Variants in ILRUN observed in about 807,000 individuals in gnomAD.
ILRUN encodes the protein inflammation and lipid regulator with UBA-like and NBR1-like domains, also known as protein ILRUN.
In ILRUN, 3 loss-of-function variants were observed where a neutral mutation model predicts 33.8. The observed-to-expected ratio is 0.09, with a 90% CI of 0.04 to 0.23. The LOEUF is 0.23. Ranked by LOEUF, ILRUN falls within the 10% of genes least tolerant of loss-of-function variation. ILRUN has a pLI of 1.00. For missense variants in ILRUN, 210 were observed against 375.1 expected, an observed-to-expected ratio of 0.56 and a Z score of 3.64; for synonymous variants, 124 against 138.9, an observed-to-expected ratio of 0.89 and a Z score of 0.75.
At chr6:34,683,103 T>C (rs1162594454) in intron 1 of ILRUN, among the ~76,000 whole-genome samples, 2 of 151,604 alleles carry the variant, frequency 1.3e-5, no homozygotes, top group Non-Finnish European at 2.9e-5. Flanking sequence ...ACCTACCTTT[T>C]TGACCCTGTC....
intron 3 of ILRUN, among the ~76,000 whole-genome samples, chr6:34,622,897 C>T (rs1762038255): frequency 1.3e-5 from 2 of 152,292 alleles, no homozygotes; most frequent in Middle Eastern, 3.4e-3. Context: ...TATATATATA[C>T]ACCAAAATAT....
At chr6:34,676,780 G>A (rs1034047274) in intron 1 of ILRUN, among the ~76,000 whole-genome samples, 2 of 151,570 alleles carry the variant, frequency 1.3e-5, no homozygotes, top group African/African-American at 4.9e-5. Context: ...AATAAAACAA[G>A]TAACACCTTT....
At chr6:34,597,470 G>A (rs758819444) in intron 4 of ILRUN, among the ~76,000 whole-genome samples, 1 of 152,192 alleles carries the variant, frequency 6.6e-6, no homozygotes, top group Non-Finnish European at 1.5e-5. Context: ...CTAGGACACA[G>A]GATAAGGCTG....
intron 1 of ILRUN, among the ~76,000 whole-genome samples, chr6:34,682,024 A>ATTTTT (rs1763370443): frequency 7.7e-6 from 1 of 130,618 alleles, no homozygotes; most frequent in African/African-American, 3.0e-5. Flanking sequence ...ACTAATTCTT[A>ATTTTT]TATTTTTATT....
At chr6:34,680,496 G>A (rs931423450) in intron 1 of ILRUN, among the ~76,000 whole-genome samples, 14 of 151,688 alleles carry the variant, frequency 9.2e-5, no homozygotes, top group East Asian at 5.8e-4. Flanking sequence ...ACAGAGTCTC[G>A]CTCTGCTGCC....
intron 3 of ILRUN, among the ~76,000 whole-genome samples, chr6:34,615,743 A>C (rs1301810289): frequency 6.6e-6 from 1 of 152,210 alleles, no homozygotes; most frequent in Non-Finnish European, 1.5e-5. Flanking sequence ...CATGCGCCCA[A>C]GTCCTTTAGA....
At chr6:34,640,808 C>T (rs116816261) in intron 3 of ILRUN, among the ~76,000 whole-genome samples, 2,237 of 151,962 alleles carry the variant, frequency 0.015, 15 homozygotes, top group African/African-American at 0.025. Flanking sequence ...CAGCCAGGCA[C>T]GGTAGCTCAT....
At chr6:34,595,013 T>C (rs944475910) in intron 4 of ILRUN, among the ~76,000 whole-genome samples, 5 of 152,254 alleles carry the variant, frequency 3.3e-5, no homozygotes, top group Admixed American at 1.3e-4. Context: ...TGAGCCACTG[T>C]GCTCAGCCCT....
chr6:34,626,167 A>T (rs527629327), intron 3 of ILRUN, among the ~76,000 whole-genome samples: 1 of 151,648 alleles, frequency 6.6e-6, no homozygotes, highest in East Asian at 1.9e-4. Flanking sequence ...ATTTTTTAAC[A>T]GATTCCTTTT....
chr6:34,692,983 T>C (rs1468450863), intron 1 of ILRUN, among the ~76,000 whole-genome samples: 1 of 151,834 alleles, frequency 6.6e-6, no homozygotes, highest in Non-Finnish European at 1.5e-5. Flanking sequence ...GAGGCTGAGG[T>C]GGGAGGATTG....
rs1763743120 is a variant in ILRUN at position 34,695,410 on chromosome 6, CCAA to C, written c.158+1033_158+1035del. On this transcript the variant is annotated intron_variant, in intron 1 of 4. Transcript: ENST00000374023. ...ACTGCAACTCTGCCTCTGAGTGAATCCAACAACCTCTATTCAGAGTACAAGGGG... is the reference window on the plus strand; with the variant it reads ...ACTGCAACTCTGCCTCTGAGTGAATCCAACCTCTATTCAGAGTACAAGGGG... Among the ~76,000 whole-genome samples, 4 of 152,214 alleles carry C rather than the reference CCAA, an allele frequency of 2.6e-5. No homozygotes were observed. In the South Asian group the frequency reaches 8.3e-4, roughly 32 times the overall value.
At chr6:34,649,977 T>C (rs1362105840) in intron 2 of ILRUN, among the ~76,000 whole-genome samples, 1 of 152,212 alleles carries the variant, frequency 6.6e-6, no homozygotes, top group Non-Finnish European at 1.5e-5. Context: ...TCTTTTCCCA[T>C]CCCTTTATAT....
chr6:34,604,477 T>C (rs1582036487), intron 4 of ILRUN, among the ~76,000 whole-genome samples: 1 of 152,356 alleles, frequency 6.6e-6, no homozygotes, highest in South Asian at 2.1e-4. Flanking sequence ...AGAAAGCTCA[T>C]AGGTGGGTGA....
At chr6:34,657,982 A>C (rs990236496) in intron 1 of ILRUN, among the ~76,000 whole-genome samples, 5 of 152,180 alleles carry the variant, frequency 3.3e-5, no homozygotes, top group Admixed American at 1.3e-4. Context: ...TTTTAAATCT[A>C]ATTTCAGATG....
rs1005199313 is a variant in ILRUN at position 34,696,764 on chromosome 6, C to G, written c.-161G>C. The G allele has an allele frequency of 7.3e-6, 4 of 545,524 alleles. No individual in the cohort carries two copies. Among genetic ancestry groups the G allele is most frequent in the Non-Finnish European group, 1.3e-5 (4 of 319,920 alleles). The allele number at this position is 545,524 out of a possible 1,614,324, so 33.8% of individuals were successfully genotyped here. On this transcript the variant is annotated 5_prime_UTR_variant, in exon 1 of 5. Transcript: ENST00000374023. ...TCACAGTCTCATAGGGGTAAACTCA[C>G]TCTGCCACTCACTCACTCTCCCCCC...
intron 3 of ILRUN, chr6:34,616,652 G>A (rs781101204): frequency 3.0e-5 from 42 of 1,411,862 alleles, no homozygotes; most frequent in Non-Finnish European, 3.7e-5. Context: ...TGCCCAAAAG[G>A]TGCTTTGAAA....
intron 1 of ILRUN, among the ~76,000 whole-genome samples, chr6:34,690,953 C>T (rs1437349610): frequency 6.6e-6 from 1 of 152,098 alleles, no homozygotes; most frequent in Non-Finnish European, 1.5e-5. Flanking sequence ...GGCGTGATCT[C>T]GGCTCACTGC....
At chr6:34,658,066 G>C (rs767383609) in intron 1 of ILRUN, among the ~76,000 whole-genome samples, 25 of 152,140 alleles carry the variant, frequency 1.6e-4, no homozygotes, top group Non-Finnish European at 2.9e-4. Flanking sequence ...ATGGATGCTG[G>C]TGCTGGATGC....
chr6:34,660,553 T>C (rs894873225), intron 1 of ILRUN, among the ~76,000 whole-genome samples: 2 of 152,100 alleles, frequency 1.3e-5, no homozygotes, highest in Non-Finnish European at 2.9e-5. Flanking sequence ...AAGACATTGT[T>C]ATCCTGAACC....
Sources: gnomAD v4.1 joint callset for allele counts (sites outside exome capture counted in the v4.1 genomes callset) on GRCh38, gnomAD v4.1.1 for gene constraint, MANE v1.5 for transcripts, NCBI Gene and HGNC (gene_info 2026-07-23, HGNC 2026-07-21) for gene names.